CDH13: variants seen among roughly 807,000 people sequenced by gnomAD.
CDH13 encodes the protein cadherin 13.
CDH13 carries 24 observed loss-of-function variants against 63.8 expected under a neutral mutation model. The ratio of observed to expected loss-of-function variants is 0.38; its 90% CI spans 0.27 to 0.53. The LOEUF is 0.53. Ranked by LOEUF, CDH13 falls within the 20% of genes least tolerant of loss-of-function variation. CDH13 has a pLI of 0.85. For missense variants in CDH13, 1,049 were observed against 903.1 expected (o/e 1.16, Z -2.07); for synonymous variants, 503 against 355.3 (o/e 1.42, Z -4.67).
intron 7 of CDH13, among the ~76,000 whole-genome samples, chr16:83,553,117 T>C (rs1268484917): frequency 6.6e-6 from 1 of 151,942 alleles, no homozygotes; most frequent in Non-Finnish European, 1.5e-5. Context: ...ATTGTAAACA[T>C]TTTTGCTTAG....
chr16:83,508,560 G>C (rs999608409), intron 7 of CDH13, among the ~76,000 whole-genome samples: 1 of 152,172 alleles, frequency 6.6e-6, no homozygotes, highest in African/African-American at 2.4e-5. Context: ...CAGCCTTTGA[G>C]TGGCAAGAGT....
At chr16:82,910,821 C>A (rs1022191263) in intron 2 of CDH13, among the ~76,000 whole-genome samples, 1 of 152,176 alleles carries the variant, frequency 6.6e-6, no homozygotes, top group Non-Finnish European at 1.5e-5. Flanking sequence ...CATATTGTCC[C>A]TTTCAGAGCA....
intron 7 of CDH13, among the ~76,000 whole-genome samples, chr16:83,548,234 G>T (rs186126125): frequency 6.6e-6 from 1 of 152,276 alleles, no homozygotes; most frequent in Non-Finnish European, 1.5e-5. Flanking sequence ...AGGCCTTGGT[G>T]ATGGCTTATT....
chr16:82,641,857 T>C (rs1338854493), intron 1 of CDH13, among the ~76,000 whole-genome samples: 2 of 152,010 alleles, frequency 1.3e-5, no homozygotes, highest in African/African-American at 4.8e-5. Context: ...AATAAAAAAA[T>C]GAACAGGTAG....
At position 82,739,951 on chromosome 16, in the gene CDH13, C is replaced by G. The variant is rs187739151; in HGVS notation, c.45+112814C>G. On this transcript the variant is annotated intron_variant, in intron 1 of 13. Coordinates refer to ENST00000567109, the MANE Select transcript of CDH13 (RefSeq NM_001257.5). ...TGTCAAACACATAGATTCTACATCT[C>G]CAGATATTCAAAACTAATTATCCCT... Among the ~76,000 whole-genome samples the G allele has an allele frequency of 2.8e-4, 42 of 152,250 alleles. 1 individual carries two copies. In the East Asian group the frequency reaches 7.9e-3, roughly 29 times the overall value.
At chr16:82,887,589 G>A (rs1468453739) in intron 2 of CDH13, among the ~76,000 whole-genome samples, 1 of 152,184 alleles carries the variant, frequency 6.6e-6, no homozygotes, top group Non-Finnish European at 1.5e-5. Context: ...GGGAGGCCAA[G>A]GTGGGCAGAT....
intron 6 of CDH13, among the ~76,000 whole-genome samples, chr16:83,441,589 C>T (rs1052751717): frequency 6.6e-6 from 1 of 152,032 alleles, no homozygotes; most frequent in Non-Finnish European, 1.5e-5. Flanking sequence ...CATGCCATTC[C>T]TTAGAGTTGG....
At position 83,513,110 on chromosome 16, in the gene CDH13, G is replaced by T. The variant is rs565175476; in HGVS notation, c.960+26455G>T. Among the ~76,000 whole-genome samples the T allele has an allele frequency of 1.1e-4, 17 of 152,080 alleles. No individual in the cohort carries two copies. The East Asian group carries it at 3.3e-3, about 29-fold the overall frequency. ...GGCTTGTGAAAACAATTCAAGAATT[G>T]TCTTCGAGCCTATAATGCCTGCTAG... On this transcript the variant is annotated intron_variant, in intron 7 of 13. Transcript: ENST00000567109.
At chr16:82,785,429 T>A (rs185540913) in intron 1 of CDH13, among the ~76,000 whole-genome samples, 1 of 152,324 alleles carries the variant, frequency 6.6e-6, no homozygotes, top group East Asian at 1.9e-4. Flanking sequence ...AAATTCACCC[T>A]CAATGTGCAC....
intron 8 of CDH13, among the ~76,000 whole-genome samples, chr16:83,630,006 C>T (rs145299642): frequency 1.8e-4 from 27 of 152,358 alleles, no homozygotes; most frequent in Middle Eastern, 3.4e-3. Context: ...ACCACCCTTA[C>T]TTCCCACATG....
intron 1 of CDH13, among the ~76,000 whole-genome samples, chr16:82,749,152 A>T (rs998960758): frequency 5.9e-5 from 9 of 152,036 alleles, no homozygotes; most frequent in African/African-American, 2.2e-4. Context: ...CAAGAAATGC[A>T]GAGAGAAAGA....
chr16:83,431,573 G>A (rs943508610), intron 6 of CDH13, among the ~76,000 whole-genome samples: 1 of 152,108 alleles, frequency 6.6e-6, no homozygotes, highest in Non-Finnish European at 1.5e-5. Flanking sequence ...TCTGCAGGCT[G>A]TACAGGAAAC....
chr16:83,555,183 A>G (rs2075578895), intron 7 of CDH13, among the ~76,000 whole-genome samples: 1 of 152,176 alleles, frequency 6.6e-6, no homozygotes, highest in African/African-American at 2.4e-5. Context: ...TCCATGTTGC[A>G]GAGTGACAAG....
At chr16:83,026,336 T>C (rs558040593) in intron 2 of CDH13, among the ~76,000 whole-genome samples, 23 of 152,332 alleles carry the variant, frequency 1.5e-4, no homozygotes, top group African/African-American at 5.3e-4. Flanking sequence ...GTTCTCGCTC[T>C]AGGCCTTTCT....
intron 8 of CDH13, among the ~76,000 whole-genome samples, chr16:83,653,876 C>T (rs112514051): frequency 7.9e-5 from 12 of 152,240 alleles, no homozygotes; most frequent in South Asian, 6.2e-4. Context: ...GCGCTCAGCA[C>T]GGCGTCATCA....
At chr16:83,080,871 G>GGTTTT (rs2033183201) in intron 3 of CDH13, among the ~76,000 whole-genome samples, 2 of 46,928 alleles carry the variant, frequency 4.3e-5, no homozygotes, top group Non-Finnish European at 7.1e-5. Context: ...TTGTTTTTGT[G>GGTTTT]TTTTTTTTTT....
chr16:83,100,533 G>A (rs2034425140), intron 3 of CDH13, among the ~76,000 whole-genome samples: 1 of 152,214 alleles, frequency 6.6e-6, no homozygotes, highest in South Asian at 2.1e-4. Flanking sequence ...GTAGCGGGCA[G>A]AAGCTGAACT....
intron 8 of CDH13, among the ~76,000 whole-genome samples, chr16:83,663,997 CAAAAAA>C (rs77224826): frequency 1.2e-5 from 1 of 86,596 alleles, no homozygotes; most frequent in South Asian, 3.3e-4. Flanking sequence ...CCCATCTCTA[CAAAAAA>C]AAAAAAAAAA....
chr16:82,844,507 A>C (rs2039169821), intron 1 of CDH13: 2 of 150,228 alleles, frequency 1.3e-5, no homozygotes, highest in African/African-American at 4.9e-5. Context: ...AGGCTGAGGC[A>C]GGAGAATGGC....
Sources: allele counts gnomAD v4.1 joint callset (sites outside exome capture counted in the v4.1 genomes callset), GRCh38; gene constraint gnomAD v4.1.1; transcripts MANE v1.5; gene names NCBI Gene and HGNC (gene_info 2026-07-23, HGNC 2026-07-21).